NDEL1: variants seen among roughly 807,000 people sequenced by gnomAD.
NDEL1 encodes nudE neurodevelopment protein 1 like 1.
Under a neutral mutation model 45.7 loss-of-function variants are expected in NDEL1, and 9 were observed. The observed-to-expected ratio is 0.20, with a 90% CI of 0.12 to 0.34. The LOEUF (loss-of-function observed/expected upper bound fraction) is 0.34. NDEL1 is among the 10% of genes least tolerant of loss of function. The pLI, the probability that NDEL1 is intolerant of heterozygous loss-of-function variation, is 1.00. For synonymous variants in NDEL1, 133 were observed against 158.6 expected, an observed-to-expected ratio of 0.84 and a Z score of 1.21; for missense variants, 306 against 406.2, an observed-to-expected ratio of 0.75 and a Z score of 2.12.
intron 3 of NDEL1, 104 bp downstream of exon 3, chr17:8,445,968 G>GA (rs1910055011): frequency 8.6e-6 from 10 of 1,164,868 alleles, no homozygotes; most frequent in Middle Eastern, 4.2e-4. Context: ...AAAATAGTTT[G>GA]AAAAAAACGC....
chr17:8,472,529 G>A (rs1022126356), downstream of NDEL1, among the ~76,000 whole-genome samples: 1 of 152,170 alleles, frequency 6.6e-6, no homozygotes, highest in African/African-American at 2.4e-5. Flanking sequence ...GCCAGGCCTG[G>A]TGGCGGGCGC....
rs550587742 is a variant in NDEL1, at chr17:8,467,448, C to A, written c.*425C>A. On this transcript the variant is annotated 3_prime_UTR_variant, in exon 9 of 9. Coordinates refer to ENST00000334527, the MANE Select transcript of NDEL1 (RefSeq NM_030808.5). This position sits in a 1 kb window ranked among gnomAD's most constrained non-coding sequence, Gnocchi z 6.3. ...AGGTCAATGTGTGCCCTCCTGAGCT[C>A]CCACCCAGGCATCTCCAGTGCTCAT... 3.1e-3 allele frequency: 1,229 copies of A among 390,924 alleles called. 4 individuals carry two copies. Among genetic ancestry groups the A allele is most frequent in the Non-Finnish European group, 4.5e-3 (989 of 221,358 alleles). 24.2% of individuals were successfully genotyped at this position (390,924 alleles called of 1,614,324 possible). A position where few individuals can be genotyped will look rare whatever the true frequency, so the allele number is the denominator to read the frequency against.
intron 1 of NDEL1, among the ~76,000 whole-genome samples, chr17:8,428,360 GTA>G: frequency 3.7e-5 from 1 of 27,296 alleles, no homozygotes. Context: ...GTGTGTGTGT[GTA>G]TTTTTTTTTT....
intron 1 of NDEL1, among the ~76,000 whole-genome samples, chr17:8,440,513 CAAAAA>C (rs34423110): frequency 1.5e-5 from 2 of 137,874 alleles, no homozygotes; most frequent in East Asian, 2.1e-4. Context: ...GACTCCATCT[CAAAAA>C]AAAAAAAAAA....
At chr17:8,446,080 TCTAGCTATAATGTTC>T (rs758202329) in intron 3 of NDEL1, 10 of 368,438 alleles carry the variant, frequency 2.7e-5, no homozygotes, top group Non-Finnish European at 4.3e-5. Context: ...TTGTCACTTT[TCTAGCTATAATGTTC>T]CTAGCTATAT....
rs1260715801 is a variant in NDEL1, at chr17:8,450,762, G to C, written c.527-18G>C. 6.3e-7 allele frequency: 1 copy of C among 1,596,944 alleles called. No homozygotes were observed. Among genetic ancestry groups the C allele is most frequent in the Admixed American group, 1.8e-5 (1 of 56,240 alleles). The stretch of plus-strand genomic sequence containing the variant: ...CCCTCTAGTGAGTATTCCTGCCCTT[G>C]TTTGCAATATTTTACAGATTTAAGG... On this transcript the variant is annotated intron_variant, in intron 5 of 8. Transcript: ENST00000334527.
At chr17:8,450,326 G>C (rs1177869712) in intron 5 of NDEL1, among the ~76,000 whole-genome samples, 1 of 150,188 alleles carries the variant, frequency 6.7e-6, no homozygotes, top group Non-Finnish European at 1.5e-5. Context: ...GAAAGCATGA[G>C]AAAAATTTAA....
chr17:8,471,375 T>G (rs1911829860), downstream of NDEL1, among the ~76,000 whole-genome samples: 1 of 152,172 alleles, frequency 6.6e-6, no homozygotes, highest in African/African-American at 2.4e-5. Flanking sequence ...TTTCCAGGAG[T>G]CGGGCAATGA....
At chr17:8,471,199 G>A (rs373678396), downstream of NDEL1, among the ~76,000 whole-genome samples, 1 of 152,342 alleles carries the variant, frequency 6.6e-6, no homozygotes, top group East Asian at 1.9e-4. Context: ...TGCCCAGGCT[G>A]GAGTGCAATG....
At chr17:8,444,075 G>A (rs1404247999) in intron 1 of NDEL1, 185 bp from the exon 2 acceptor site, 3 of 498,066 alleles carry the variant, frequency 6.0e-6, no homozygotes, top group South Asian at 2.6e-5. Context: ...TCACAATATT[G>A]GTGGTCCCTG....
At chr17:8,442,206 C>T (rs936720665) in intron 1 of NDEL1, among the ~76,000 whole-genome samples, 1 of 151,958 alleles carries the variant, frequency 6.6e-6, no homozygotes, top group African/African-American at 2.4e-5. Context: ...ATGTGGCTGC[C>T]CATGTATCGG....
intron 4 of NDEL1, 41 bp from the exon 5 acceptor site, chr17:8,448,509 T>G (rs745608826): frequency 1.9e-6 from 3 of 1,588,768 alleles, no homozygotes; most frequent in Non-Finnish European, 2.6e-6. Context: ...TGTTTGCACA[T>G]GTTATTTATT....
chr17:8,457,803 T>A (rs1175897703), intron 7 of NDEL1, among the ~76,000 whole-genome samples: 1 of 128,742 alleles, frequency 7.8e-6, no homozygotes, highest in African/African-American at 2.7e-5. Flanking sequence ...CTTCCAACCC[T>A]TAAATCTTTA....
intron 7 of NDEL1, among the ~76,000 whole-genome samples, chr17:8,459,527 T>G (rs1369580313): frequency 6.6e-6 from 1 of 152,186 alleles, no homozygotes; most frequent in Non-Finnish European, 1.5e-5. Context: ...GTTGTAAATG[T>G]TCTCATCCAT....
downstream of NDEL1, among the ~76,000 whole-genome samples, chr17:8,470,233 G>GT (rs1352475886): frequency 1.3e-5 from 2 of 152,198 alleles, no homozygotes; most frequent in South Asian, 4.1e-4. The surrounding 1 kb of genome is among the most constrained non-coding windows in gnomAD (Gnocchi z 4.2). Flanking sequence ...CTCTGTGTGG[G>GT]TTTTCTTCCT....
chr17:8,448,046 C>T (rs768671221), intron 4 of NDEL1, among the ~76,000 whole-genome samples: 2 of 152,046 alleles, frequency 1.3e-5, no homozygotes, highest in Non-Finnish European at 2.9e-5. Flanking sequence ...ACACCCTATG[C>T]AAATGTCTGA....
At chr17:8,454,736 A>G (rs1910723270) in intron 6 of NDEL1, 60 bp from the exon 7 acceptor site, 1 of 1,351,190 alleles carries the variant, frequency 7.4e-7, no homozygotes, top group Non-Finnish European at 1.0e-6. Flanking sequence ...AACATCAACA[A>G]CAAAACCCAA....
chr17:8,424,712 G>C (rs988136618), intron 1 of NDEL1, among the ~76,000 whole-genome samples: 1 of 152,184 alleles, frequency 6.6e-6, no homozygotes, highest in East Asian at 1.9e-4. Context: ...CACCGTGTTA[G>C]CCAGGATGGT....
At chr17:8,453,201 T>A (rs1385828812) in intron 6 of NDEL1, among the ~76,000 whole-genome samples, 3 of 152,200 alleles carry the variant, frequency 2.0e-5, no homozygotes, top group Non-Finnish European at 4.4e-5. Context: ...CTGTTATGTG[T>A]CATGTGTTAT....
Sources: gnomAD v4.1 joint callset for allele counts (sites outside exome capture counted in the v4.1 genomes callset) on GRCh38, gnomAD v4.1.1 for gene constraint, Gnocchi (gnomAD v3.1) non-coding constraint, MANE v1.5 for transcripts, NCBI Gene and HGNC (gene_info 2026-07-23, HGNC 2026-07-21) for gene names.